Variants in LEPR observed in about 807,000 individuals in gnomAD.
The protein encoded by LEPR is OB receptor.
Under a neutral mutation model 114.7 loss-of-function variants are expected in LEPR, and 56 were observed. The ratio of observed to expected loss-of-function variants is 0.49; its 90% CI spans 0.39 to 0.61. LEPR has a LOEUF of 0.61. Ranked by LOEUF, LEPR falls within the 20% of genes least tolerant of loss-of-function variation. The pLI, the probability that LEPR is intolerant of heterozygous loss-of-function variation, is 0.00. For missense variants in LEPR, 1,202 were observed against 1,352.9 expected (o/e 0.89, Z 1.75); for synonymous variants, 443 against 461.4 (o/e 0.96, Z 0.51).
chr1:65,568,519 TGTGTGTGC>T (rs1653929644), intron 3 of LEPR, among the ~76,000 whole-genome samples: 3 of 152,004 alleles, frequency 2.0e-5, no homozygotes, highest in Admixed American at 1.3e-4. Flanking sequence ...TGTGTGTGTG[TGTGTGTGC>T]ATGTGCATGT....
intron 5 of LEPR, among the ~76,000 whole-genome samples, chr1:65,579,309 A>G (rs1429226863): frequency 6.6e-6 from 1 of 152,218 alleles, no homozygotes; most frequent in East Asian, 1.9e-4. Flanking sequence ...TAATTAAAGG[A>G]TGAAATCATG....
intron 2 of LEPR, among the ~76,000 whole-genome samples, chr1:65,503,324 T>A (rs978380567): frequency 3.3e-5 from 5 of 152,138 alleles, no homozygotes; most frequent in African/African-American, 1.2e-4. Flanking sequence ...AAATTATTTC[T>A]GAGGTCAGAG....
intron 2 of LEPR, among the ~76,000 whole-genome samples, chr1:65,496,033 A>T (rs1393159957): frequency 2.6e-5 from 4 of 152,168 alleles, no homozygotes; most frequent in Admixed American, 2.6e-4. Context: ...TGTATTTCAA[A>T]ACAGTTAGAA....
chr1:65,636,705 T>C lies in LEPR; in HGVS notation c.3188T>C (p.Leu1063Ser). 3 of 1,608,672 alleles carry C rather than the reference T, an allele frequency of 1.9e-6. No homozygotes were observed. In the Admixed American group the frequency reaches 5.0e-5, roughly 27 times the overall value. ...FSEGLDELLK[L>S]EGNFPEENND... ...GAAGGATTGGATGAACTTTTGAAAT[T>C]GGAGGGAAATTTCCCTGAAGAAAAT... The change falls in exon 20 of 20, where the codon TTG becomes TCG. Residue 1063 changes from leucine (L) to serine (S), a missense_variant. Physicochemically the swap from Leu to Ser is moderately radical, Grantham distance 145 (BLOSUM62 -2). Coordinates refer to ENST00000349533, the MANE Select transcript of LEPR (RefSeq NM_002303.6).
intron 18 of LEPR, among the ~76,000 whole-genome samples, chr1:65,621,959 T>C (rs1657912015): frequency 6.6e-6 from 1 of 151,960 alleles, no homozygotes; most frequent in Admixed American, 6.6e-5. Context: ...TCAGGGAGGA[T>C]GGAATGTTTC....
chr1:65,589,068 C>T (rs1012428430), intron 5 of LEPR, among the ~76,000 whole-genome samples: 1 of 152,050 alleles, frequency 6.6e-6, no homozygotes, highest in African/African-American at 2.4e-5. Context: ...ACATCTTCAC[C>T]AATACTTGGT....
At chr1:65,509,066 T>A (rs565085191) in intron 2 of LEPR, among the ~76,000 whole-genome samples, 1 of 152,320 alleles carries the variant, frequency 6.6e-6, no homozygotes, top group South Asian at 2.1e-4. Context: ...AGTTAGTTTA[T>A]GAGTTTTATT....
chr1:65,593,444 T>C (rs1655843588), intron 6 of LEPR, among the ~76,000 whole-genome samples: 1 of 152,158 alleles, frequency 6.6e-6, no homozygotes, highest in East Asian at 1.9e-4. Context: ...TCAATTTAAA[T>C]ATACAATTAC....
At chr1:65,587,762 A>G (rs1570758510) in intron 5 of LEPR, among the ~76,000 whole-genome samples, 1 of 152,090 alleles carries the variant, frequency 6.6e-6, no homozygotes, top group Non-Finnish European at 1.5e-5. Context: ...TAAAGTAATA[A>G]TAAATTCTAT....
At chr1:65,531,520 C>CT (rs1004027021) in intron 2 of LEPR, among the ~76,000 whole-genome samples, 12 of 145,410 alleles carry the variant, frequency 8.3e-5, no homozygotes, top group East Asian at 2.0e-4. Flanking sequence ...TTCTAATTAT[C>CT]TTTTTTTTTT....
chr1:65,491,653 C>T (rs1647876719), intron 2 of LEPR, among the ~76,000 whole-genome samples: 1 of 152,068 alleles, frequency 6.6e-6, no homozygotes, highest in African/African-American at 2.4e-5. Flanking sequence ...AAAAGCCAAA[C>T]GTCTGTTTTA....
chr1:65,617,562 C>G (rs1282559491), intron 15 of LEPR, among the ~76,000 whole-genome samples: 1 of 152,194 alleles, frequency 6.6e-6, no homozygotes, highest in African/African-American at 2.4e-5. Flanking sequence ...GAATTTTACC[C>G]TCAAATGTAG....
At chr1:65,628,461 T>A (rs1410060276) in intron 19 of LEPR, among the ~76,000 whole-genome samples, 1 of 152,226 alleles carries the variant, frequency 6.6e-6, no homozygotes, top group African/African-American at 2.4e-5. Flanking sequence ...TGTGTTTGTC[T>A]AGTTTGTGCA....
intron 16 of LEPR, 52 bp downstream of exon 16, chr1:65,618,198 C>G: frequency 6.6e-7 from 1 of 1,511,350 alleles, no homozygotes; most frequent in Non-Finnish European, 9.1e-7. Flanking sequence ...TATGACACTA[C>G]AGATTATTAA....
Position 65,600,583 on chromosome 1 carries a change from G to A in LEPR, c.995-809G>A, listed in dbSNP as rs181662154. On this transcript the variant is annotated intron_variant, in intron 8 of 19. Transcript: ENST00000349533. ...AACTTTACAACTGAAATGTACTGAC[G>A]TTTTTGCAGTGCACTGTGGTGGAAA... Among the ~76,000 whole-genome samples, 17 of 152,128 alleles carry A rather than the reference G, an allele frequency of 1.1e-4. No individual in the cohort carries two copies. The East Asian group carries it at 1.9e-3, about 17-fold the overall frequency.
chr1:65,433,349 A>G (rs1047944827), intron 2 of LEPR: 2 of 985,304 alleles, frequency 2.0e-6, no homozygotes, highest in Admixed American at 6.2e-5. Context: ...TGCCACCCTT[A>G]AATGAATCAT....
At chr1:65,488,202 T>TCTCTCTCTCTCTCTC (rs1647637213) in intron 2 of LEPR, among the ~76,000 whole-genome samples, 2 of 29,440 alleles carry the variant, frequency 6.8e-5, no homozygotes, top group Non-Finnish European at 1.4e-4. Flanking sequence ...CTTTCTTTCT[T>TCTCTCTCTCTCTCTC]TCTTTCTTTC....
At chr1:65,452,888 G>A (rs1428828584) in intron 2 of LEPR, among the ~76,000 whole-genome samples, 2 of 152,086 alleles carry the variant, frequency 1.3e-5, no homozygotes, top group South Asian at 2.1e-4. Context: ...GGTAGAATTC[G>A]GCTGTGAATC....
intron 19 of LEPR, among the ~76,000 whole-genome samples, chr1:65,628,899 A>AC (rs1658366744): frequency 6.6e-6 from 1 of 152,126 alleles, no homozygotes; most frequent in South Asian, 2.1e-4. Context: ...CATGAAAAGG[A>AC]CAGTCCCCTT....
Sources: allele counts gnomAD v4.1 joint callset (sites outside exome capture counted in the v4.1 genomes callset), GRCh38; gene constraint gnomAD v4.1.1; transcripts MANE v1.5; gene names NCBI Gene and HGNC (gene_info 2026-07-23, HGNC 2026-07-21).